Variants in DST observed in about 807,000 individuals in gnomAD.
DST encodes bullous pemphigoid antigen.
Under a neutral mutation model 875.2 loss-of-function variants are expected in DST, and 253 were observed. That is an observed-to-expected ratio of 0.29 (90% CI 0.26 to 0.32). The LOEUF (loss-of-function observed/expected upper bound fraction) is 0.32, where lower values mean the gene tolerates loss of function less well. Among genes scored for constraint, DST ranks in the 10% least tolerant of loss-of-function variants. The pLI, the probability that DST is intolerant of heterozygous loss-of-function variation, is 1.00. For missense variants in DST, 8,287 were observed against 9,111.6 expected (o/e 0.91, Z 3.68); for synonymous variants, 3,124 against 3,197.1 (o/e 0.98, Z 0.77).
intron 36 of DST, chr6:56,616,053 C>G: frequency 6.2e-7 from 1 of 1,614,216 alleles, no homozygotes; most frequent in Non-Finnish European, 8.5e-7. Context: ...GTAATCCGAT[C>G]AACCAAATTT....
intron 50 of DST, 61 bp from the exon 51 acceptor site, chr6:56,573,948 A>G: frequency 8.2e-7 from 1 of 1,220,646 alleles, no homozygotes; most frequent in Admixed American, 2.3e-5. Context: ...CCCTTTTCAA[A>G]AACACATGAA....
At chr6:56,612,900 T>G (rs2098556814) in intron 37 of DST, among the ~76,000 whole-genome samples, 1 of 152,084 alleles carries the variant, frequency 6.6e-6, no homozygotes. Context: ...TGTGGTGGCA[T>G]GTGTCTGCAG....
At chr6:56,490,842 A>G (rs1156402104) in intron 85 of DST, among the ~76,000 whole-genome samples, 1 of 152,216 alleles carries the variant, frequency 6.6e-6, no homozygotes, top group Non-Finnish European at 1.5e-5. Flanking sequence ...ACTATTTTTA[A>G]GCCATATAAA....
At chr6:56,829,383 C>T (rs34896026) in intron 4 of DST, among the ~76,000 whole-genome samples, 1 of 152,030 alleles carries the variant, frequency 6.6e-6, no homozygotes, top group African/African-American at 2.4e-5. Flanking sequence ...TTTGACTTGG[C>T]AATGTTACAG....
At chr6:56,486,998 G>A in intron 87 of DST, 106 bp downstream of exon 87, 1 of 1,091,408 alleles carries the variant, frequency 9.2e-7, no homozygotes, top group Non-Finnish European at 1.3e-6. Flanking sequence ...AAGTTCCTCA[G>A]GCAAAGGAAA....
At chr6:56,794,312 G>A (rs2099736079) in intron 4 of DST, among the ~76,000 whole-genome samples, 1 of 152,132 alleles carries the variant, frequency 6.6e-6, no homozygotes, top group Non-Finnish European at 1.5e-5. Flanking sequence ...TGATTATACA[G>A]AGTAGATGAC....
chr6:56,609,674 G>A (rs2098528026), intron 39 of DST, among the ~76,000 whole-genome samples: 1 of 152,126 alleles, frequency 6.6e-6, no homozygotes, highest in African/African-American at 2.4e-5. Flanking sequence ...ATATCTAGAA[G>A]GCAAACCATG....
At chr6:56,670,151 T>G (rs1408333529) in intron 10 of DST, among the ~76,000 whole-genome samples, 1 of 151,712 alleles carries the variant, frequency 6.6e-6, no homozygotes, top group African/African-American at 2.4e-5. Flanking sequence ...TGTGTGTGTG[T>G]GTGTGTGTGT....
intron 49 of DST, among the ~76,000 whole-genome samples, chr6:56,586,008 C>T (rs1424468092): frequency 6.6e-6 from 1 of 152,074 alleles, no homozygotes; most frequent in Non-Finnish European, 1.5e-5. Context: ...GAGAGCTTTA[C>T]TTCCAACTAT....
At position 56,560,324 on chromosome 6, in the gene DST, G is replaced by A. The variant is rs368820405; in HGVS notation, c.14410C>T (p.Pro4804Ser). ...TCTGTCAACATCTGTTTCCATCTGG[G>A]GGCCTCAGGAGTATCTGGGTTCTCC... Reference protein sequence around the residue: ...LEENPDTPEAPRWKQMLTEID... With the variant: ...LEENPDTPEASRWKQMLTEID... The change falls in exon 58 of 104, where the codon CCC (proline) becomes TCC (serine). Residue 4804 changes from proline (P) to serine (S), a missense_variant. Coordinates refer to ENST00000680361, the MANE Select transcript of DST (RefSeq NM_001374736.1). The A allele has an allele frequency of 7.6e-5, 123 of 1,610,494 alleles. No individual in the cohort carries two copies. The highest frequency in any genetic ancestry group is 5.3e-4 in the South Asian group (48 of 90,348).
intron 47 of DST, 45 bp from the exon 48 acceptor site, chr6:56,594,238 TAA>T: frequency 6.8e-7 from 1 of 1,473,104 alleles, no homozygotes; most frequent in South Asian, 1.4e-5. Flanking sequence ...AGTAACGGGG[TAA>T]CACCTGCAGG....
chr6:56,632,825 A>T (rs557713326), intron 28 of DST, 29 bp downstream of exon 28: 1 of 1,598,744 alleles, frequency 6.3e-7, no homozygotes, highest in Non-Finnish European at 8.6e-7. Context: ...ACCTATGGGG[A>T]AAAAAAGACA....
chr6:56,471,925 A>T (rs1258689249), intron 94 of DST, 134 bp downstream of exon 94: 2 of 899,314 alleles, frequency 2.2e-6, no homozygotes, highest in East Asian at 2.4e-5. Flanking sequence ...TTGGAAATTT[A>T]AAAATGTACT....
At chr6:56,596,849 T>C (rs1388255476) in intron 47 of DST, among the ~76,000 whole-genome samples, 3 of 152,246 alleles carry the variant, frequency 2.0e-5, no homozygotes, top group Non-Finnish European at 4.4e-5. Context: ...ATGTTAGCTT[T>C]AATTTATGTC....
At position 56,618,405 on chromosome 6, in the gene DST, TAC is replaced by T. The variant is rs1422035136; in HGVS notation, c.4930-3923_4930-3922del. The T allele has an allele frequency of 2.5e-6, 4 of 1,614,200 alleles. No individual in the cohort carries two copies. In the South Asian group the frequency reaches 3.3e-5, roughly 13 times the overall value. ...GTCATCTCAAAATCTGGTTTGAAGG[TAC>T]AGTCTTTGGCTGTGCTCTTTTTTTG... is the stretch of plus-strand genomic sequence containing the variant. On this transcript the variant is annotated intron_variant, in intron 36 of 103. Coordinates refer to ENST00000680361, the MANE Select transcript of DST (RefSeq NM_001374736.1).
chr6:56,887,614 C>T (rs1275433567), intron 3 of DST, among the ~76,000 whole-genome samples: 2 of 152,066 alleles, frequency 1.3e-5, no homozygotes, highest in Non-Finnish European at 2.9e-5. Context: ...CTTTAAGTTT[C>T]CTTGGTTTGG....
chr6:56,888,586 G>A (rs1785775909), intron 3 of DST, among the ~76,000 whole-genome samples: 1 of 152,110 alleles, frequency 6.6e-6, no homozygotes, highest in African/African-American at 2.4e-5. Context: ...AAGGGAAAAG[G>A]AAGACCATTT....
intron 5 of DST, among the ~76,000 whole-genome samples, chr6:56,718,321 T>C (rs2099402176): frequency 6.6e-6 from 1 of 152,162 alleles, no homozygotes; most frequent in Non-Finnish European, 1.5e-5. Flanking sequence ...ATGCTCAACA[T>C]TATTAGTCAT....
Position 56,634,831 on chromosome 6 carries a change from G to T in DST, c.3309C>A (p.Ile1103=). The change falls in exon 25 of 104, where the codon ATC becomes ATA. Residue 1103 remains isoleucine (I), a synonymous_variant. Transcript: ENST00000680361. ...TTTGTCTGTAGTCACAGATAGCTTT[G>T]ATCGGAATAGAAGTTTTGAGTGGAC... is the stretch of plus-strand genomic sequence containing the variant. The part of the protein sequence containing the change: ...SDCPLKTSIP[I]KAICDYRQIE... 6.2e-7 allele frequency: 1 copy of T among 1,614,016 alleles called. No homozygotes were observed. Among genetic ancestry groups the T allele is most frequent in the South Asian group, 1.1e-5 (1 of 91,070 alleles).
Sources: gnomAD v4.1 joint callset for allele counts (sites outside exome capture counted in the v4.1 genomes callset) on GRCh38, gnomAD v4.1.1 for gene constraint, MANE v1.5 for transcripts, NCBI Gene and HGNC (gene_info 2026-07-23, HGNC 2026-07-21) for gene names.